ARHGAP22: variants seen among roughly 807,000 people sequenced by gnomAD.
The protein encoded by ARHGAP22 is rho GTPase-activating protein 22.
Under a neutral mutation model 59.1 loss-of-function variants are expected in ARHGAP22, and 48 were observed. That is an observed-to-expected ratio of 0.81 (90% CI 0.64 to 1.03). ARHGAP22 has a LOEUF of 1.03. Ranked by LOEUF, ARHGAP22 falls within the 50% of genes least tolerant of loss-of-function variation. The pLI is 0.00. For synonymous variants in ARHGAP22, 445 were observed against 416.4 expected, an observed-to-expected ratio of 1.07 and a Z score of -0.84; for missense variants, 1,015 against 958.7, an observed-to-expected ratio of 1.06 and a Z score of -0.78.
At chr10:48,650,027 GGA>G (rs939578720) in intron 1 of ARHGAP22, among the ~76,000 whole-genome samples, 42 of 148,850 alleles carry the variant, frequency 2.8e-4, no homozygotes, top group African/African-American at 7.9e-4. Context: ...AGAGAGAGAG[GGA>G]GAGAGAGAGA....
chr10:48,555,319 G>A (rs946005703), intron 3 of ARHGAP22, 144 bp downstream of exon 3: 5 of 699,540 alleles, frequency 7.1e-6, no homozygotes, highest in Admixed American at 5.1e-5. Context: ...GTATGCTGTC[G>A]ATTTGGCCCA....
At chr10:48,514,990 C>G (rs1256385009) in intron 3 of ARHGAP22, among the ~76,000 whole-genome samples, 1 of 152,012 alleles carries the variant, frequency 6.6e-6, no homozygotes, top group Non-Finnish European at 1.5e-5. Context: ...TGGAAAATTT[C>G]TATCTAATAC....
chr10:48,544,135 G>A (rs1049777595), intron 3 of ARHGAP22, among the ~76,000 whole-genome samples: 4 of 151,918 alleles, frequency 2.6e-5, no homozygotes, highest in Non-Finnish European at 5.9e-5. Context: ...AAAAAAAAGA[G>A]AAAGGACTGG....
chr10:48,598,912 T>G (rs1254579490), intron 1 of ARHGAP22, among the ~76,000 whole-genome samples: 1 of 152,226 alleles, frequency 6.6e-6, no homozygotes, highest in Non-Finnish European at 1.5e-5. Flanking sequence ...ACGCACTATA[T>G]GTTCAGAAGC....
At chr10:48,479,022 G>C (rs1428203261) in intron 4 of ARHGAP22, 1 of 152,892 alleles carries the variant, frequency 6.5e-6, no homozygotes, top group African/African-American at 2.4e-5. Flanking sequence ...AGGACCCCAA[G>C]GCCTTGGTGA....
chr10:48,498,437 C>T (rs1718263010), intron 3 of ARHGAP22, among the ~76,000 whole-genome samples: 2 of 152,148 alleles, frequency 1.3e-5, no homozygotes, highest in South Asian at 2.1e-4. Context: ...AGCCAGGAGC[C>T]AGTGAAGTGA....
At chr10:48,439,305 C>T in the ARHGAP22 span, 1 of 147,114 alleles carries the variant, frequency 6.8e-6, no homozygotes, top group Non-Finnish European at 1.5e-5. Flanking sequence ...TCTAGTATGT[C>T]AATTGGTTAT....
chr10:48,631,572 A>G (rs981915150), intron 1 of ARHGAP22, among the ~76,000 whole-genome samples: 1 of 152,230 alleles, frequency 6.6e-6, no homozygotes, highest in African/African-American at 2.4e-5. Flanking sequence ...TTTGCAATAT[A>G]TATTTACAGC....
intron 3 of ARHGAP22, among the ~76,000 whole-genome samples, chr10:48,486,359 A>G (rs2049858800): frequency 1.3e-5 from 2 of 151,552 alleles, no homozygotes; most frequent in South Asian, 4.2e-4. Context: ...TTATTTTGAG[A>G]CAGGGTCTTG....
chr10:48,563,636 C>A (rs2057857711), intron 2 of ARHGAP22, among the ~76,000 whole-genome samples: 1 of 152,136 alleles, frequency 6.6e-6, no homozygotes, highest in Non-Finnish European at 1.5e-5. Flanking sequence ...ATTATTCTAC[C>A]TTATACTACA....
chr10:48,648,906 T>C (rs1213312130), intron 1 of ARHGAP22, among the ~76,000 whole-genome samples: 1 of 151,996 alleles, frequency 6.6e-6, no homozygotes, highest in Non-Finnish European at 1.5e-5. Context: ...TGGATGCCCA[T>C]GGATGTGACA....
At chr10:48,642,533 A>C (rs1270301954) in intron 1 of ARHGAP22, among the ~76,000 whole-genome samples, 1 of 152,252 alleles carries the variant, frequency 6.6e-6, no homozygotes, top group Non-Finnish European at 1.5e-5. Context: ...CTGGCTAGCC[A>C]TATGTAGAAA....
chr10:48,467,733 C>G (rs992427058), intron 4 of ARHGAP22, among the ~76,000 whole-genome samples: 2 of 152,158 alleles, frequency 1.3e-5, no homozygotes, highest in East Asian at 3.8e-4. Context: ...TAAGGACCTG[C>G]TAGAGCTAAG....
chr10:48,594,503 T>C (rs1297500773), intron 1 of ARHGAP22, among the ~76,000 whole-genome samples: 1 of 152,236 alleles, frequency 6.6e-6, no homozygotes, highest in Non-Finnish European at 1.5e-5. Context: ...ATATGGATCA[T>C]GATGGAGCTC....
At chr10:48,479,542 G>C (rs751997181) in intron 4 of ARHGAP22, 94 bp downstream of exon 4, 30 of 1,600,228 alleles carry the variant, frequency 1.9e-5, no homozygotes, top group Non-Finnish European at 2.6e-5. Flanking sequence ...CAAGTCCTCA[G>C]TGAGCAGGGT....
chr10:48,451,541 C>A, intron 8 of ARHGAP22: 1 of 702,476 alleles, frequency 1.4e-6, no homozygotes, highest in Non-Finnish European at 2.6e-6. Context: ...CTGCTGACAA[C>A]TGCCATGCCT....
intron 3 of ARHGAP22, among the ~76,000 whole-genome samples, chr10:48,548,923 G>C (rs931467658): frequency 6.6e-6 from 1 of 152,214 alleles, no homozygotes; most frequent in Non-Finnish European, 1.5e-5. Context: ...TCTGGGGTTA[G>C]AGCTGGCTCA....
chr10:48,600,996 A>G (rs965789473), intron 1 of ARHGAP22, among the ~76,000 whole-genome samples: 3 of 152,126 alleles, frequency 2.0e-5, no homozygotes, highest in South Asian at 2.1e-4. Context: ...CCCCTTCTTC[A>G]GCATATCTTA....
At chr10:48,573,341 G>C (rs1423616676) in intron 2 of ARHGAP22, among the ~76,000 whole-genome samples, 2 of 152,230 alleles carry the variant, frequency 1.3e-5, no homozygotes, top group East Asian at 1.9e-4. Flanking sequence ...CTGAGGCTCA[G>C]AGAGTGAAAT....
Sources: gnomAD v4.1 joint callset for allele counts (sites outside exome capture counted in the v4.1 genomes callset) on GRCh38, gnomAD v4.1.1 for gene constraint, MANE v1.5 for transcripts, NCBI Gene and HGNC (gene_info 2026-07-23, HGNC 2026-07-21) for gene names.